Variants in EGFL7 observed in about 807,000 individuals in gnomAD.
EGFL7 encodes EGF like domain multiple 7, also known as epidermal growth factor-like protein 7.
A neutral mutation model predicts 37.1 loss-of-function variants in EGFL7; 48 were observed. That is an observed-to-expected ratio of 1.29 (90% CI 1.03 to 1.65). The LOEUF (loss-of-function observed/expected upper bound fraction) is 1.65, where lower values mean the gene tolerates loss of function less well. Among genes scored for constraint, EGFL7 ranks in the 40% most tolerant of loss-of-function variants. The probability of loss-of-function intolerance (pLI) is 0.00; values close to 1 mark genes in which losing one functional copy is unlikely to be tolerated. For synonymous variants in EGFL7, 180 were observed against 156.8 expected (o/e 1.15, Z -1.10); for missense variants, 384 against 378.9 (o/e 1.01, Z -0.11).
intron 3 of EGFL7, among the ~76,000 whole-genome samples, chr9:136,667,745 G>A (rs980944234): frequency 6.6e-6 from 1 of 152,180 alleles, no homozygotes; most frequent in Non-Finnish European, 1.5e-5. Flanking sequence ...TGCTGGGGCC[G>A]GTTCCACACT....
At position 136,672,078 on chromosome 9, in the gene EGFL7, G is replaced by T; in HGVS notation, c.789G>T (p.Gln263His). 1 of 1,546,508 alleles carries T rather than the reference G, an allele frequency of 6.5e-7. No homozygotes were observed. Among genetic ancestry groups the T allele is most frequent in the Non-Finnish European group, 8.7e-7 (1 of 1,146,596 alleles). ...LSEQISFLEE[Q>H]LGSCSCKKDS Reference sequence around the variant, plus strand: ...AGCAGATTTCCTTCCTGGAGGAGCAGCTGGGGTCCTGTGAGTGCCCCCACC... The same window carrying T: ...AGCAGATTTCCTTCCTGGAGGAGCATCTGGGGTCCTGTGAGTGCCCCCACC... The change falls in exon 10 of 11, where the codon CAG becomes CAT. Residue 263 changes from glutamine to histidine, a missense_variant. Transcript: ENST00000308874.
chr9:136,661,195 G>C (rs1483670998), upstream of EGFL7, among the ~76,000 whole-genome samples: 1 of 152,140 alleles, frequency 6.6e-6, no homozygotes, highest in East Asian at 1.9e-4. Context: ...GGCAGAGTCT[G>C]GGTCCTCCCC....
rs1038425467 is a variant in EGFL7, at chr9:136,666,144, CG to C, written c.-43+1363del. Among the ~76,000 whole-genome samples the C allele has an allele frequency of 6.7e-6, 1 of 149,342 alleles. No individual in the cohort carries two copies. ...TCCGACCCGGCGCGACTCAGCGCCT[CG>C]GGGCCCAGCCTGTGCCGCCTGCTCC... On this transcript the variant is annotated intron_variant, in intron 3 of 10. Coordinates refer to ENST00000308874, the MANE Select transcript of EGFL7 (RefSeq NM_016215.5). The surrounding 1 kb of genome is among the most constrained non-coding windows in gnomAD (Gnocchi z 6.8).
chr9:136,671,535 ACCC>A (rs3838738), intron 9 of EGFL7, among the ~76,000 whole-genome samples: 2 of 151,224 alleles, frequency 1.3e-5, no homozygotes, highest in African/African-American at 4.9e-5. Context: ...ACTGACCAGG[ACCC>A]CCCAGGGCCG....
intron 3 of EGFL7, chr9:136,665,805 C>T (rs1845429917): frequency 6.8e-6 from 1 of 146,074 alleles, no homozygotes. Context: ...GCGTGCGCGC[C>T]CCGGATCCGG....
chr9:136,672,194 AG>A (rs897789021), intron 10 of EGFL7, 69 bp from the exon 11 acceptor site: 4 of 1,611,356 alleles, frequency 2.5e-6, no homozygotes, highest in Non-Finnish European at 3.4e-6. Context: ...CCAAGGGGCC[AG>A]TCAGATCTAG....
chr9:136,668,360 C>T lies in EGFL7; in HGVS notation c.78C>T (p.Pro26=), dbSNP rs771363151. Residue 26 remains proline (P), a splice_region_variant and synonymous_variant, in exon 4 of 11, where the codon CCC becomes CCT. Coordinates refer to ENST00000308874, the MANE Select transcript of EGFL7 (RefSeq NM_016215.5). ...AVGGTEHAYR[P]GRRVCAVRAH... ...GCGGCACAGAGCACGCCTACCGGCC[C>T]GGGTGAGCCAAGCCCTAGCCTGGGA... 6.0e-5 allele frequency: 96 copies of T among 1,596,046 alleles called. No individual in the cohort carries two copies. Among genetic ancestry groups the T allele is most frequent in the African/African-American group, 2.8e-4 (21 of 74,738 alleles).
rs1845277167 is a variant in EGFL7, at chr9:136,663,554, GGGAACTGGCCCCGAGGGAGA to G, written c.-200_-181del. 1 of 152,490 alleles carries G rather than the reference GGGAACTGGCCCCGAGGGAGA, an allele frequency of 6.6e-6. No individual in the cohort carries two copies. Among genetic ancestry groups the G allele is most frequent in the African/African-American group, 2.4e-5 (1 of 41,596 alleles). 9.4% of individuals were successfully genotyped at this position (152,490 alleles called of 1,614,324 possible). A position where few individuals can be genotyped will look rare whatever the true frequency, so the allele number is the denominator to read the frequency against. The stretch of plus-strand genomic sequence containing the variant: ...AGCAACCCAACGGGGGCCCGGGGAG[GGGAACTGGCCCCGAGGGAGA>G]GGAACCCCAAAGCCACATCTGTAGC... On this transcript the variant is annotated 5_prime_UTR_variant, in exon 2 of 11. It removes the in-frame stop codon of an upstream open reading frame in the 5' UTR. Transcript: ENST00000308874.
chr9:136,670,605 T>C, intron 8 of EGFL7: 1 of 774,384 alleles, frequency 1.3e-6, no homozygotes, highest in Non-Finnish European at 2.4e-6. Flanking sequence ...ACGCCTCCGC[T>C]GGCGACGGGA....
intron 3 of EGFL7, among the ~76,000 whole-genome samples, chr9:136,665,076 G>C (rs1845375573): frequency 6.6e-6 from 1 of 152,236 alleles, no homozygotes; most frequent in Non-Finnish European, 1.5e-5. Context: ...AGACTCTCTG[G>C]GGGCCTGTGG....
chr9:136,672,133 C>T lies in EGFL7; in HGVS notation c.799+45C>T, dbSNP rs568871764. 1.0e-5 allele frequency: 16 copies of T among 1,561,792 alleles called. No individual in the cohort carries two copies. In the South Asian group the frequency reaches 1.6e-4, roughly 16 times the overall value. On this transcript the variant is annotated intron_variant, in intron 10 of 10. Coordinates refer to ENST00000308874, the MANE Select transcript of EGFL7 (RefSeq NM_016215.5). ...AGAGCCCTCCTCCCGGGTCTGGGCC[C>T]AGTGGGCCTAGAGGGGCTACCCAGG...
In EGFL7 at chr9:136,672,442, G is replaced by T; in HGVS notation, c.*156G>T. The T allele has an allele frequency of 2.3e-6, 2 of 876,594 alleles. No individual in the cohort carries two copies. Among genetic ancestry groups the T allele is most frequent in the South Asian group, 1.5e-5 (1 of 65,308 alleles). 54.3% of individuals were successfully genotyped at this position (876,594 alleles called of 1,614,324 possible). On this transcript the variant is annotated 3_prime_UTR_variant, in exon 11 of 11. Coordinates refer to ENST00000308874, the MANE Select transcript of EGFL7 (RefSeq NM_016215.5). ...TCTTCCTCCTCCCCTTCCTCGGGAG[G>T]CTCCCCAGACCCTGGCATGGGATGG...
At chr9:136,668,876 T>C (rs1010042190) in intron 5 of EGFL7, among the ~76,000 whole-genome samples, 1 of 152,104 alleles carries the variant, frequency 6.6e-6, no homozygotes, top group South Asian at 2.1e-4. Flanking sequence ...GTCCTAATCC[T>C]TGCTCTTGCC....
chr9:136,669,317 C>G (rs531162435), intron 5 of EGFL7, among the ~76,000 whole-genome samples: 1 of 152,358 alleles, frequency 6.6e-6, no homozygotes, highest in African/African-American at 2.4e-5. Context: ...CCTGGATGCC[C>G]CCACAGTAGG....
intron 5 of EGFL7, among the ~76,000 whole-genome samples, 162 bp downstream of exon 5, chr9:136,668,835 G>A (rs377333304): frequency 2.0e-5 from 3 of 152,118 alleles, no homozygotes; most frequent in South Asian, 2.1e-4. Context: ...CAGGGCGGCC[G>A]GAGCCAAGGG....
chr9:136,671,965 T>A lies in EGFL7; in HGVS notation c.676T>A (p.Ser226Thr), dbSNP rs1159457646. The A allele has an allele frequency of 1.3e-6, 2 of 1,537,908 alleles. No homozygotes were observed. The highest frequency in any genetic ancestry group is 1.7e-6 in the Non-Finnish European group (2 of 1,145,030). Residue 226 changes from serine (S) to threonine (T), a missense_variant, in exon 10 of 11, where the codon TCG becomes ACG. Ser to Thr is a moderately conservative substitution (Grantham distance 58). Transcript: ENST00000308874. The part of the protein sequence containing the change: ...LVLAPLHSLA[S>T]QALEHGLPDP... Reference sequence around the variant, plus strand: ...GCTGGCCCCACTGCACAGCCTGGCCTCGCAGGCACTGGAGCATGGGCTCCC... The same window carrying A: ...GCTGGCCCCACTGCACAGCCTGGCCACGCAGGCACTGGAGCATGGGCTCCC...
chr9:136,660,565 T>G (rs1045535369), upstream of EGFL7: 2 of 152,256 alleles, frequency 1.3e-5, no homozygotes, highest in Non-Finnish European at 2.9e-5. Context: ...AGGAGTCCAG[T>G]GCCAGGAGGA....
chr9:136,660,553 C>A, upstream of EGFL7: 1 of 152,448 alleles, frequency 6.6e-6, no homozygotes. Flanking sequence ...AGGCTGTCAC[C>A]CAGGAGTCCA....
chr9:136,671,167 G>A (rs1190999665), intron 9 of EGFL7, among the ~76,000 whole-genome samples, 153 bp downstream of exon 9: 1 of 114,550 alleles, frequency 8.7e-6, no homozygotes, highest in East Asian at 3.0e-4. Flanking sequence ...GGACCTGCTG[G>A]AGGAGGTGAG....
Sources: allele counts gnomAD v4.1 joint callset (sites outside exome capture counted in the v4.1 genomes callset), GRCh38; gene constraint gnomAD v4.1.1; non-coding constraint Gnocchi (gnomAD v3.1); transcripts MANE v1.5; gene names NCBI Gene and HGNC (gene_info 2026-07-23, HGNC 2026-07-21).